The following PRKCE variants were observed in gnomAD, a reference collection of about 807,000 sequenced individuals.
The protein encoded by PRKCE is protein kinase C epsilon type.
A neutral mutation model predicts 85.4 loss-of-function variants in PRKCE; 16 were observed. That is an observed-to-expected ratio of 0.19 (90% CI 0.13 to 0.28). The LOEUF is 0.28. PRKCE is among the 10% of genes least tolerant of loss of function. The probability of loss-of-function intolerance (pLI) is 1.00; values close to 1 mark genes in which losing one functional copy is unlikely to be tolerated. For synonymous variants in PRKCE, 388 were observed against 371.5 expected, an observed-to-expected ratio of 1.04 and a Z score of -0.51; for missense variants, 573 against 975.2, an observed-to-expected ratio of 0.59 and a Z score of 5.49.
At chr2:46,022,347 T>C (rs530706463) in intron 10 of PRKCE, among the ~76,000 whole-genome samples, 89 of 152,316 alleles carry the variant, frequency 5.8e-4, no homozygotes, top group Non-Finnish European at 1.1e-3. Flanking sequence ...ATGCAATTCA[T>C]TGGGAAATAC....
At chr2:45,834,390 G>A (rs1027035665) in intron 1 of PRKCE, among the ~76,000 whole-genome samples, 6 of 152,116 alleles carry the variant, frequency 3.9e-5, no homozygotes, top group Middle Eastern at 3.2e-3. Context: ...TTTTTAAATG[G>A]GTAGTAACTT....
chr2:45,701,733 C>T (rs768321092), intron 1 of PRKCE, among the ~76,000 whole-genome samples: 7 of 152,206 alleles, frequency 4.6e-5, no homozygotes, highest in African/African-American at 7.2e-5. Flanking sequence ...TTTCCTGGTG[C>T]TCCAGGCTGC....
chr2:45,735,441 C>T (rs907998603), intron 1 of PRKCE, among the ~76,000 whole-genome samples: 2 of 152,230 alleles, frequency 1.3e-5, no homozygotes, highest in African/African-American at 4.8e-5. Context: ...ATTTTGCCTC[C>T]TCCATGGATT....
intron 14 of PRKCE, among the ~76,000 whole-genome samples, chr2:46,162,723 CT>C: frequency 1.3e-5 from 2 of 152,302 alleles, no homozygotes; most frequent in South Asian, 4.1e-4. Flanking sequence ...AGCTGCAGGT[CT>C]TTCAAGACTT....
intron 1 of PRKCE, among the ~76,000 whole-genome samples, chr2:45,794,847 C>T (rs558001424): frequency 1.4e-5 from 1 of 72,066 alleles, no homozygotes; most frequent in Admixed American, 1.1e-4. Flanking sequence ...ATTGCCCTAC[C>T]CCCCCCCCCA....
At chr2:45,740,058 T>A (rs1397360197) in intron 1 of PRKCE, among the ~76,000 whole-genome samples, 1 of 151,506 alleles carries the variant, frequency 6.6e-6, no homozygotes, top group East Asian at 1.9e-4. Context: ...GGCTTGTGCC[T>A]ATAGCCCCAA....
chr2:45,952,348 C>T (rs981099143), intron 2 of PRKCE, among the ~76,000 whole-genome samples: 2 of 152,222 alleles, frequency 1.3e-5, no homozygotes, highest in African/African-American at 4.8e-5. Context: ...GTACATAAGT[C>T]ATCACTATGC....
intron 8 of PRKCE, among the ~76,000 whole-genome samples, chr2:46,005,439 T>A (rs1272630554): frequency 6.6e-6 from 1 of 152,208 alleles, no homozygotes; most frequent in Non-Finnish European, 1.5e-5. Context: ...TTTTTCTATA[T>A]CCCTTTTTGT....
At chr2:45,742,039 T>C (rs893436564) in intron 1 of PRKCE, among the ~76,000 whole-genome samples, 1 of 152,134 alleles carries the variant, frequency 6.6e-6, no homozygotes. Flanking sequence ...GCTCTCCATC[T>C]CATTCTTGGG....
intron 1 of PRKCE, among the ~76,000 whole-genome samples, chr2:45,819,759 G>C (rs891407025): frequency 3.9e-5 from 6 of 152,190 alleles, no homozygotes. Flanking sequence ...TGAAACCCAT[G>C]GTGGTGCTCT....
intron 6 of PRKCE, among the ~76,000 whole-genome samples, chr2:45,987,506 A>G (rs1221066338): frequency 6.6e-6 from 1 of 151,642 alleles, no homozygotes; most frequent in African/African-American, 2.4e-5. Flanking sequence ...AAGAAACCTT[A>G]TTTTTTTAAG....
At chr2:46,070,494 T>A (rs1396218727) in intron 10 of PRKCE, among the ~76,000 whole-genome samples, 1 of 152,066 alleles carries the variant, frequency 6.6e-6, no homozygotes, top group Non-Finnish European at 1.5e-5. Flanking sequence ...ATACAAAAAA[T>A]TAGCCAGGTG....
chr2:45,971,580 T>C (rs1702114357), intron 2 of PRKCE, among the ~76,000 whole-genome samples: 1 of 152,216 alleles, frequency 6.6e-6, no homozygotes, highest in Non-Finnish European at 1.5e-5. Context: ...AGTAGAACAC[T>C]GAGTCTTAGT....
In PRKCE at chr2:45,697,283, A is replaced by G. The variant is rs1242649238; in HGVS notation, c.348+44835A>G. Among the ~76,000 whole-genome samples the G allele has an allele frequency of 6.6e-6, 1 of 152,094 alleles. No individual in the cohort carries two copies. Among genetic ancestry groups the G allele is most frequent in the Non-Finnish European group, 1.5e-5 (1 of 68,022 alleles). On this transcript the variant is annotated intron_variant, in intron 1 of 14. Coordinates refer to ENST00000306156, the MANE Select transcript of PRKCE (RefSeq NM_005400.3). This position sits in a 1 kb window ranked among gnomAD's most constrained non-coding sequence, Gnocchi z 4.2. Reference sequence around the variant, plus strand: ...TGGCCTGGCCCTCCTGGCTGCCCACATTCTGCTTGGCTCTGGTCCGGAGGT... The same window carrying G: ...TGGCCTGGCCCTCCTGGCTGCCCACGTTCTGCTTGGCTCTGGTCCGGAGGT...
intron 2 of PRKCE, among the ~76,000 whole-genome samples, chr2:45,918,171 G>A (rs1477953197): frequency 6.6e-6 from 1 of 152,218 alleles, no homozygotes; most frequent in Non-Finnish European, 1.5e-5. Flanking sequence ...CAGAGTGGGA[G>A]CCCAGGCAGA....
At chr2:46,080,308 C>T (rs192577399) in intron 10 of PRKCE, among the ~76,000 whole-genome samples, 1 of 151,130 alleles carries the variant, frequency 6.6e-6, no homozygotes, top group East Asian at 2.0e-4. Flanking sequence ...AAAATTTTAC[C>T]TTGCTTTAAA....
chr2:45,955,203 A>C (rs1400158917), intron 2 of PRKCE, among the ~76,000 whole-genome samples: 1 of 152,238 alleles, frequency 6.6e-6, no homozygotes, highest in Non-Finnish European at 1.5e-5. Context: ...GACTGCCCTG[A>C]TATCGAAAGG....
In PRKCE at chr2:46,155,307, A is replaced by G. The variant is rs1179381624; in HGVS notation, c.1920+4078A>G. Reference sequence around the variant, plus strand: ...TTTGACCTGGGTGCCTCTTGGGTGAATCTTTGATGGACCCCTTCAAGGAGC... The same window carrying G: ...TTTGACCTGGGTGCCTCTTGGGTGAGTCTTTGATGGACCCCTTCAAGGAGC... On this transcript the variant is annotated intron_variant, in intron 13 of 14. Transcript: ENST00000306156. The surrounding 1 kb of genome is among the most constrained non-coding windows in gnomAD (Gnocchi z 4.7). 2.6e-5 allele frequency among the ~76,000 whole-genome samples: 4 copies of G among 152,128 alleles called. No individual in the cohort carries two copies. Among genetic ancestry groups the G allele is most frequent in the Non-Finnish European group, 5.9e-5 (4 of 68,010 alleles).
intron 5 of PRKCE, among the ~76,000 whole-genome samples, chr2:45,984,179 C>A (rs1174819555): frequency 6.6e-6 from 1 of 152,046 alleles, no homozygotes; most frequent in Non-Finnish European, 1.5e-5. Flanking sequence ...CTCAGGTGGT[C>A]CGCCTACCTC....
Sources: allele counts gnomAD v4.1 joint callset (sites outside exome capture counted in the v4.1 genomes callset), GRCh38; gene constraint gnomAD v4.1.1; non-coding constraint Gnocchi (gnomAD v3.1); transcripts MANE v1.5; gene names NCBI Gene and HGNC (gene_info 2026-07-23, HGNC 2026-07-21).